Variants in HS6ST3 observed in about 807,000 individuals in gnomAD.
HS6ST3 encodes heparan sulfate 6-O-sulfotransferase 3, also known as heparan-sulfate 6-O-sulfotransferase 3.
HS6ST3 carries 12 observed loss-of-function variants against 36.7 expected under a neutral mutation model. That is an observed-to-expected ratio of 0.33 (90% CI 0.21 to 0.53). HS6ST3 has a LOEUF of 0.53. Among genes scored for constraint, HS6ST3 ranks in the 20% least tolerant of loss-of-function variants. The pLI is 0.95. For missense variants in HS6ST3, 584 were observed against 640.9 expected, an observed-to-expected ratio of 0.91 and a Z score of 0.96; for synonymous variants, 240 against 257.5, an observed-to-expected ratio of 0.93 and a Z score of 0.65.
At chr13:96,556,637 G>A (rs913121207) in intron 1 of HS6ST3, among the ~76,000 whole-genome samples, 1 of 152,102 alleles carries the variant, frequency 6.6e-6, no homozygotes, top group Non-Finnish European at 1.5e-5. Context: ...GAGCTGATTA[G>A]GAAAAATTAT....
At chr13:96,096,037 T>C (rs181282200) in intron 1 of HS6ST3, among the ~76,000 whole-genome samples, 2 of 152,118 alleles carry the variant, frequency 1.3e-5, no homozygotes, top group Non-Finnish European at 2.9e-5. Flanking sequence ...TCTTTTTTTT[T>C]TGTATACCAC....
At chr13:96,235,813 A>G (rs1243708534) in intron 1 of HS6ST3, among the ~76,000 whole-genome samples, 1 of 152,152 alleles carries the variant, frequency 6.6e-6, no homozygotes, top group Non-Finnish European at 1.5e-5. Flanking sequence ...TTATGGCTGT[A>G]TTAGTCAGGG....
chr13:96,417,534 T>A (rs2055539432), intron 1 of HS6ST3, among the ~76,000 whole-genome samples: 1 of 151,882 alleles, frequency 6.6e-6, no homozygotes, highest in South Asian at 2.1e-4. Context: ...CATATCTGTT[T>A]GGTTTACCAT....
intron 1 of HS6ST3, among the ~76,000 whole-genome samples, chr13:96,769,252 G>T (rs1414794805): frequency 6.6e-6 from 1 of 152,134 alleles, no homozygotes; most frequent in East Asian, 1.9e-4. Flanking sequence ...GGGAGAGTTA[G>T]AGAGCCATTA....
At chr13:96,507,408 G>A in intron 1 of HS6ST3, among the ~76,000 whole-genome samples, 1 of 152,062 alleles carries the variant, frequency 6.6e-6, no homozygotes, top group East Asian at 1.9e-4. Context: ...CCCTGATTGG[G>A]ATCTCTTTCT....
chr13:96,506,153 A>G (rs1394877060), intron 1 of HS6ST3, among the ~76,000 whole-genome samples: 1 of 152,156 alleles, frequency 6.6e-6, no homozygotes, highest in Non-Finnish European at 1.5e-5. Context: ...AAAAGCTTTT[A>G]GATTTAGAAT....
At chr13:96,423,652 G>T (rs1342087638) in intron 1 of HS6ST3, among the ~76,000 whole-genome samples, 1 of 151,892 alleles carries the variant, frequency 6.6e-6, no homozygotes, top group African/African-American at 2.4e-5. Context: ...CGCCCCACAA[G>T]TTTGAGAACC....
At chr13:96,685,006 T>C (rs1370502151) in intron 1 of HS6ST3, among the ~76,000 whole-genome samples, 4 of 152,112 alleles carry the variant, frequency 2.6e-5, no homozygotes, top group Non-Finnish European at 4.4e-5. Flanking sequence ...TTCTTTAGCT[T>C]GCAGCAAAGA....
chr13:96,563,011 C>T (rs2056268091), intron 1 of HS6ST3, among the ~76,000 whole-genome samples: 1 of 142,916 alleles, frequency 7.0e-6, no homozygotes, highest in Admixed American at 7.2e-5. Flanking sequence ...TAGGCCTAGA[C>T]TGAGCAATGG....
chr13:96,091,612 C>G (rs778695247), intron 1 of HS6ST3, 43 bp downstream of exon 1: 33 of 1,512,942 alleles, frequency 2.2e-5, no homozygotes, highest in Middle Eastern at 1.7e-4. Context: ...CCCCACCCCC[C>G]ATCCCTCTTC....
intron 1 of HS6ST3, among the ~76,000 whole-genome samples, chr13:96,099,436 T>G (rs1298362017): frequency 6.6e-6 from 1 of 152,216 alleles, no homozygotes; most frequent in Non-Finnish European, 1.5e-5. Context: ...AGTCCAAGAA[T>G]GGAAACTTGC....
chr13:96,174,427 T>A (rs2054203253), intron 1 of HS6ST3, among the ~76,000 whole-genome samples: 1 of 152,098 alleles, frequency 6.6e-6, no homozygotes, highest in African/African-American at 2.4e-5. Flanking sequence ...TGAGATGGGG[T>A]CTTACTATGT....
intron 1 of HS6ST3, among the ~76,000 whole-genome samples, chr13:96,161,498 C>A (rs997406623): frequency 6.6e-6 from 1 of 152,160 alleles, no homozygotes; most frequent in African/African-American, 2.4e-5. Flanking sequence ...GGACTGTATT[C>A]TCCACTAAGA....
chr13:96,438,812 T>C (rs1355222996), intron 1 of HS6ST3, among the ~76,000 whole-genome samples: 3 of 152,152 alleles, frequency 2.0e-5, no homozygotes, highest in Non-Finnish European at 2.9e-5. Flanking sequence ...ATGCCTGTAA[T>C]CCTGGCATTG....
intron 1 of HS6ST3, among the ~76,000 whole-genome samples, chr13:96,645,594 T>C (rs1437879412): frequency 6.6e-6 from 1 of 151,750 alleles, no homozygotes; most frequent in Non-Finnish European, 1.5e-5. Context: ...GCACTTTGGC[T>C]AGAGGATTCA....
At chr13:96,415,294 G>A (rs954555709) in intron 1 of HS6ST3, among the ~76,000 whole-genome samples, 1 of 152,134 alleles carries the variant, frequency 6.6e-6, no homozygotes, top group Non-Finnish European at 1.5e-5. Context: ...TTACTCCGTT[G>A]CCGGTGAAAT....
chr13:96,753,972 C>A (rs1566445548), intron 1 of HS6ST3, among the ~76,000 whole-genome samples: 2 of 152,246 alleles, frequency 1.3e-5, no homozygotes, highest in East Asian at 1.9e-4. Flanking sequence ...GCGCCCACTA[C>A]CACGCCCAGC....
intron 1 of HS6ST3, among the ~76,000 whole-genome samples, chr13:96,192,929 A>G (rs1156335000): frequency 1.3e-5 from 2 of 152,104 alleles, no homozygotes; most frequent in Non-Finnish European, 2.9e-5. Context: ...AGTTTTTCTG[A>G]GCTCTCTGAG....
chr13:96,662,216 T>G (rs921768634), intron 1 of HS6ST3, among the ~76,000 whole-genome samples: 5 of 152,196 alleles, frequency 3.3e-5, no homozygotes, highest in African/African-American at 1.2e-4. Flanking sequence ...TTTCTTCTTC[T>G]GTCTCAGGAA....
Sources: allele counts gnomAD v4.1 joint callset (sites outside exome capture counted in the v4.1 genomes callset), GRCh38; gene constraint gnomAD v4.1.1; transcripts MANE v1.5; gene names NCBI Gene and HGNC (gene_info 2026-07-23, HGNC 2026-07-21).